The following ERGIC1 variants were observed in gnomAD, a reference collection of about 807,000 sequenced individuals.
ERGIC1 encodes the protein endoplasmic reticulum-Golgi intermediate compartment protein 1.
ERGIC1 carries 19 observed loss-of-function variants against 38.3 expected under a neutral mutation model. That is an observed-to-expected ratio of 0.50 (90% CI 0.35 to 0.73). ERGIC1 has a LOEUF of 0.73. ERGIC1 is among the 30% of genes least tolerant of loss of function. The probability of loss-of-function intolerance (pLI) is 0.01; values close to 1 mark genes in which losing one functional copy is unlikely to be tolerated. For missense variants in ERGIC1, 294 were observed against 389.2 expected (o/e 0.76, Z 2.06); for synonymous variants, 124 against 157.6 (o/e 0.79, Z 1.60).
At chr5:172,852,125 A>G (rs1761427013) in intron 1 of ERGIC1, among the ~76,000 whole-genome samples, 1 of 151,998 alleles carries the variant, frequency 6.6e-6, no homozygotes, top group African/African-American at 2.4e-5. Context: ...CATTGCCATG[A>G]TTTGATTGGG....
intron 1 of ERGIC1, among the ~76,000 whole-genome samples, chr5:172,862,995 A>C (rs1426222913): frequency 6.6e-6 from 1 of 152,164 alleles, no homozygotes; most frequent in African/African-American, 2.4e-5. Flanking sequence ...GCACATATAT[A>C]CATACATACG....
rs1429850022 is a variant in ERGIC1 at position 172,893,935 on chromosome 5, G to GTGTGTGTGTGTGTGTGTA, written c.83-3066_83-3065insGTGTGTGTGTGTGTGTAT. 6.5e-3 allele frequency among the ~76,000 whole-genome samples: 277 copies of GTGTGTGTGTGTGTGTGTA among 42,746 alleles called. 2 individuals carry two copies. Among genetic ancestry groups the GTGTGTGTGTGTGTGTGTA allele is most frequent in the Middle Eastern group, 0.015 (1 of 68 alleles). 28.0% of individuals were successfully genotyped at this position (42,746 alleles called of 152,430 possible). The stretch of plus-strand genomic sequence containing the variant: ...TGTGTGTGTGTGTGTGTGTGTGTGT[G>GTGTGTGTGTGTGTGTGTA]TATATATATATATATATATTTAAAT... On this transcript the variant is annotated intron_variant, in intron 2 of 9. Transcript: ENST00000393784.
Position 172,834,579 on chromosome 5 carries a change from A to C in ERGIC1, c.20+146A>C, listed in dbSNP as rs1257317986. ...CGCAGGCCCCTAGGGACCCCAGGCG[A>C]GCCCCCCCCCTGCCGCACACGAAGC... On this transcript the variant is annotated intron_variant, in intron 1 of 9. Coordinates refer to ENST00000393784, the MANE Select transcript of ERGIC1 (RefSeq NM_001031711.3). The surrounding 1 kb of genome is among the most constrained non-coding windows in gnomAD (Gnocchi z 4.1). The C allele has an allele frequency of 5.5e-6, 3 of 542,238 alleles. No individual in the cohort carries two copies. The highest frequency in any genetic ancestry group is 5.1e-5 in the East Asian group (1 of 19,644). The allele number at this position is 542,238 out of a possible 1,614,324, so 33.6% of individuals were successfully genotyped here.
At chr5:172,875,798 C>G (rs1762129255) in intron 1 of ERGIC1, among the ~76,000 whole-genome samples, 1 of 152,152 alleles carries the variant, frequency 6.6e-6, no homozygotes, top group Non-Finnish European at 1.5e-5. Context: ...CACTATGTTG[C>G]CCAGGGAACT....
At chr5:172,879,234 TAGTC>T (rs1762222017) in intron 1 of ERGIC1, among the ~76,000 whole-genome samples, 1 of 152,204 alleles carries the variant, frequency 6.6e-6, no homozygotes, top group African/African-American at 2.4e-5. Flanking sequence ...TGAAATCCAT[TAGTC>T]AGACATTTCC....
chr5:172,914,857 A>G lies in ERGIC1; in HGVS notation c.375+19A>G. ...CAACAAGGTATGGAAGCCCTGCCTC[A>G]GCCCTTTCTACCTGCTCCCCTTTCC... is the stretch of plus-strand genomic sequence containing the variant. On this transcript the variant is annotated intron_variant, in intron 5 of 9. Coordinates refer to ENST00000393784, the MANE Select transcript of ERGIC1 (RefSeq NM_001031711.3). 6.2e-7 allele frequency: 1 copy of G among 1,614,022 alleles called. No homozygotes were observed. Among genetic ancestry groups the G allele is most frequent in the South Asian group, 1.1e-5 (1 of 91,048 alleles).
chr5:172,908,858 G>A (rs576695818), intron 3 of ERGIC1, among the ~76,000 whole-genome samples: 16 of 152,254 alleles, frequency 1.1e-4, no homozygotes, highest in African/African-American at 3.6e-4. Flanking sequence ...CTGCCCCTAC[G>A]GATGGGCATC....
chr5:172,854,328 G>C (rs1219016321), intron 1 of ERGIC1, among the ~76,000 whole-genome samples: 1 of 152,220 alleles, frequency 6.6e-6, no homozygotes, highest in African/African-American at 2.4e-5. Context: ...GCTGCAGTGA[G>C]CTGTGTTCAC....
rs576667638 is a variant in ERGIC1 at position 172,901,413 on chromosome 5, C to CT, written c.155+4340dup. On this transcript the variant is annotated intron_variant, in intron 3 of 9. Coordinates refer to ENST00000393784, the MANE Select transcript of ERGIC1 (RefSeq NM_001031711.3). ...GGCCACAGAATGTTCCAGCCTCTGA[C>CT]TGCCCAGTCTCTGACTGCTCTGAAT... Among the ~76,000 whole-genome samples, 1,135 of 152,300 alleles carry CT rather than the reference C, an allele frequency of 7.5e-3. 5 individuals are homozygous for CT. Among genetic ancestry groups the CT allele is most frequent in the African/African-American group, 0.025 (1,052 of 41,554 alleles).
intron 3 of ERGIC1, among the ~76,000 whole-genome samples, chr5:172,903,961 T>TCACACACACACACACA (rs1209257149): frequency 1.4e-5 from 1 of 70,666 alleles, no homozygotes; most frequent in Non-Finnish European, 3.0e-5. Context: ...GAGATGAGTC[T>TCACACACACACACACA]CACACATACA....
At chr5:172,949,078 TC>T (rs1764178859) in intron 9 of ERGIC1, among the ~76,000 whole-genome samples, 4 of 152,198 alleles carry the variant, frequency 2.6e-5, no homozygotes, top group Admixed American at 2.0e-4. Flanking sequence ...TTGCAAACCT[TC>T]TGTGAACTTC....
At chr5:172,907,403 C>G (rs192387369) in intron 3 of ERGIC1, among the ~76,000 whole-genome samples, 32 of 152,230 alleles carry the variant, frequency 2.1e-4, no homozygotes, top group African/African-American at 7.5e-4. Flanking sequence ...ACTAAAAATA[C>G]AAAAATTAGC....
chr5:172,834,509 TC>T lies in ERGIC1; in HGVS notation c.20+79del. On this transcript the variant is annotated intron_variant, in intron 1 of 9. Coordinates refer to ENST00000393784, the MANE Select transcript of ERGIC1 (RefSeq NM_001031711.3). The surrounding 1 kb of genome is among the most constrained non-coding windows in gnomAD (Gnocchi z 4.1). ...AGCGCCCCGGCACGCCGCGGACCCCTCCCGCCCTGCATGCAAAAGCGGCTCC... is the reference window on the plus strand; with the variant it reads ...AGCGCCCCGGCACGCCGCGGACCCCTCCGCCCTGCATGCAAAAGCGGCTCC... The T allele has an allele frequency of 8.2e-7, 1 of 1,220,856 alleles. No individual in the cohort carries two copies. The highest frequency in any genetic ancestry group is 1.0e-6 in the Non-Finnish European group (1 of 975,550). The allele number at this position is 1,220,856 out of a possible 1,614,324, so 75.6% of individuals were successfully genotyped here.
intron 1 of ERGIC1, among the ~76,000 whole-genome samples, chr5:172,836,708 C>T (rs1761045554): frequency 6.6e-6 from 1 of 152,170 alleles, no homozygotes; most frequent in Non-Finnish European, 1.5e-5. Context: ...AGGTGGGTGG[C>T]ATGTGGTCCG....
chr5:172,939,555 G>A (rs1763963992), intron 9 of ERGIC1, among the ~76,000 whole-genome samples: 1 of 152,200 alleles, frequency 6.6e-6, no homozygotes, highest in Non-Finnish European at 1.5e-5. Flanking sequence ...ATGCCTCTAT[G>A]ACTCCTCCTT....
rs1174990034 is a variant in ERGIC1 at position 172,834,893 on chromosome 5, G to A, written c.20+460G>A. Among the ~76,000 whole-genome samples, 1 of 152,162 alleles carries A rather than the reference G, an allele frequency of 6.6e-6. No homozygotes were observed. The highest frequency in any genetic ancestry group is 1.5e-5 in the Non-Finnish European group (1 of 68,016). Reference sequence around the variant, plus strand: ...CCATGCAGCCTGCCGGCAGCTGGAGGGTTTTAAGTTTCTATAGCCTGAGGC... The same window carrying A: ...CCATGCAGCCTGCCGGCAGCTGGAGAGTTTTAAGTTTCTATAGCCTGAGGC... On this transcript the variant is annotated intron_variant, in intron 1 of 9. Coordinates refer to ENST00000393784, the MANE Select transcript of ERGIC1 (RefSeq NM_001031711.3). The surrounding 1 kb of genome is among the most constrained non-coding windows in gnomAD (Gnocchi z 4.1).
chr5:172,897,323 G>A (rs1187113229), intron 3 of ERGIC1, among the ~76,000 whole-genome samples: 2 of 151,974 alleles, frequency 1.3e-5, no homozygotes, highest in Admixed American at 1.3e-4. Context: ...CAGCTACTGG[G>A]GAGGCTGAGG....
chr5:172,867,762 G>A (rs776101974), intron 1 of ERGIC1: 72 of 184,680 alleles, frequency 3.9e-4, no homozygotes, highest in Non-Finnish European at 6.9e-4. Context: ...TGCATTCTGC[G>A]CTCAGCAGGG....
intron 4 of ERGIC1, among the ~76,000 whole-genome samples, chr5:172,913,831 T>C (rs1284122927): frequency 6.6e-6 from 1 of 152,136 alleles, no homozygotes; most frequent in Non-Finnish European, 1.5e-5. Flanking sequence ...CTGGTGCTTA[T>C]CATAGGGCTG....
Sources: allele counts gnomAD v4.1 joint callset (sites outside exome capture counted in the v4.1 genomes callset), GRCh38; gene constraint gnomAD v4.1.1; non-coding constraint Gnocchi (gnomAD v3.1); transcripts MANE v1.5; gene names NCBI Gene and HGNC (gene_info 2026-07-23, HGNC 2026-07-21).